EML6: variants seen among roughly 807,000 people sequenced by gnomAD.
The protein encoded by EML6 is EMAP like 6, also known as echinoderm microtubule-associated protein-like 6.
In EML6, 154 loss-of-function variants were observed where a neutral mutation model predicts 240.1. That is an observed-to-expected ratio of 0.64 (90% CI 0.56 to 0.73). The LOEUF (loss-of-function observed/expected upper bound fraction) is 0.73. Among genes scored for constraint, EML6 ranks in the 30% least tolerant of loss-of-function variants. The pLI is 0.00. For synonymous variants in EML6, 1,148 were observed against 899.0 expected (o/e 1.28, Z -4.95); for missense variants, 2,964 against 2,474.6 (o/e 1.20, Z -4.20).
intron 7 of EML6, among the ~76,000 whole-genome samples, chr2:54,834,002 C>A (rs761773106): frequency 6.6e-5 from 10 of 152,076 alleles, no homozygotes; most frequent in Non-Finnish European, 1.0e-4. Context: ...ATTACAAGTC[C>A]AAAATCCACA....
At chr2:54,843,700 G>T (rs567697296) in intron 7 of EML6, among the ~76,000 whole-genome samples, 1 of 151,986 alleles carries the variant, frequency 6.6e-6, no homozygotes, top group South Asian at 2.1e-4. Context: ...AAAATTAGCC[G>T]GGTGTGGTGG....
chr2:54,743,514 T>A (rs1683757123), intron 2 of EML6, among the ~76,000 whole-genome samples: 1 of 152,248 alleles, frequency 6.6e-6, no homozygotes. Flanking sequence ...TATAGTTACA[T>A]GGCTAGTAAC....
intron 7 of EML6, among the ~76,000 whole-genome samples, chr2:54,836,795 C>A (rs1208599240): frequency 1.3e-5 from 2 of 152,204 alleles, no homozygotes; most frequent in African/African-American, 4.8e-5. Context: ...CCCCACACTT[C>A]TGTTTTGCAC....
At chr2:54,850,950 G>T (rs2103750989) in intron 10 of EML6, among the ~76,000 whole-genome samples, 1 of 152,330 alleles carries the variant, frequency 6.6e-6, no homozygotes, top group South Asian at 2.1e-4. Context: ...GTTGTGGAAT[G>T]ATATATACAG....
chr2:54,725,190 C>T lies in EML6; in HGVS notation c.129C>T (p.Val43=). 3 of 1,524,538 alleles carry T rather than the reference C, an allele frequency of 2.0e-6. No individual in the cohort carries two copies. Among genetic ancestry groups the T allele is most frequent in the Non-Finnish European group, 1.8e-6 (2 of 1,133,644 alleles). 94.4% of individuals were successfully genotyped at this position (1,524,538 alleles called of 1,614,324 possible). ...AGGTGGTCTACTTTGTGGCTGGGGT[C>T]GGGGTGGTTTACAACACCCGCGAGC... ...GKEVVYFVAG[V]GVVYNTREHS... Residue 43 remains valine (V), a synonymous_variant, in exon 2 of 42, where the codon GTC becomes GTT. Transcript: ENST00000356458. This position sits in a 1 kb window ranked among gnomAD's most constrained non-coding sequence, Gnocchi z 4.3.
At chr2:54,765,000 G>T (rs950800177) in intron 2 of EML6, among the ~76,000 whole-genome samples, 1 of 152,118 alleles carries the variant, frequency 6.6e-6, no homozygotes, top group Non-Finnish European at 1.5e-5. Flanking sequence ...TTTGCTTTCA[G>T]TGTTTGTTTC....
At chr2:54,829,263 T>A in intron 6 of EML6, 79 bp from the exon 7 acceptor site, 1 of 1,379,774 alleles carries the variant, frequency 7.2e-7, no homozygotes, top group Non-Finnish European at 9.8e-7. Flanking sequence ...TGCTATGTTT[T>A]TAAATCAACA....
At chr2:54,904,008 C>G (rs140912755) in intron 24 of EML6, among the ~76,000 whole-genome samples, 1 of 152,216 alleles carries the variant, frequency 6.6e-6, no homozygotes, top group African/African-American at 2.4e-5. Flanking sequence ...TCCTCCAAGT[C>G]ATGCCCACAA....
intron 25 of EML6, among the ~76,000 whole-genome samples, chr2:54,914,205 G>A (rs1313882413): frequency 2.0e-5 from 3 of 152,102 alleles, no homozygotes; most frequent in Non-Finnish European, 4.4e-5. Flanking sequence ...AGCTTTACAT[G>A]ATAGTTGTCA....
intron 2 of EML6, among the ~76,000 whole-genome samples, chr2:54,800,624 T>C (rs1392773031): frequency 6.6e-6 from 1 of 152,144 alleles, no homozygotes; most frequent in Admixed American, 6.5e-5. Flanking sequence ...AAGAGGGCAT[T>C]GTCCCTTACC....
At chr2:54,761,265 T>C (rs187565255) in intron 2 of EML6, among the ~76,000 whole-genome samples, 2 of 152,246 alleles carry the variant, frequency 1.3e-5, no homozygotes, top group East Asian at 1.9e-4. Flanking sequence ...TGCAGTTTTG[T>C]GAACCAAAAA....
intron 2 of EML6, among the ~76,000 whole-genome samples, chr2:54,799,359 C>CCTTTATTA (rs1669992200): frequency 6.6e-6 from 1 of 151,882 alleles, no homozygotes; most frequent in South Asian, 2.1e-4. Context: ...CCACGCCCAG[C>CCTTTATTA]CTTTATTACT....
chr2:54,738,428 A>G (rs1425739295), intron 2 of EML6, among the ~76,000 whole-genome samples: 1 of 152,152 alleles, frequency 6.6e-6, no homozygotes. Context: ...CTTTTATTGC[A>G]GTGTAATACA....
At chr2:54,746,982 C>T (rs576626084) in intron 2 of EML6, 1 of 152,214 alleles carries the variant, frequency 6.6e-6, no homozygotes, top group East Asian at 1.9e-4. Flanking sequence ...AACTTACTTT[C>T]TCTGGCACTG....
At chr2:54,853,527 T>G in intron 10 of EML6, 116 bp from the exon 11 acceptor site, 3 of 715,030 alleles carry the variant, frequency 4.2e-6, no homozygotes, top group Non-Finnish European at 2.1e-6. Context: ...ATAAAGAGAT[T>G]AAAATATGTA....
intron 41 of EML6, 142 bp downstream of exon 41, chr2:54,968,910 C>T: frequency 1.7e-6 from 1 of 591,288 alleles, no homozygotes; most frequent in Non-Finnish European, 3.0e-6. Flanking sequence ...TCCATGAGTC[C>T]TCATGAAGGC....
chr2:54,821,320 C>G (rs1049994137), intron 5 of EML6, among the ~76,000 whole-genome samples: 1 of 152,044 alleles, frequency 6.6e-6, no homozygotes, highest in Non-Finnish European at 1.5e-5. Context: ...GGATAAAATA[C>G]TCAAATAAGT....
chr2:54,935,618 C>T (rs1303114528), intron 28 of EML6, among the ~76,000 whole-genome samples: 1 of 152,188 alleles, frequency 6.6e-6, no homozygotes, highest in Non-Finnish European at 1.5e-5. Context: ...CGTGCCACAA[C>T]AATCAACTTT....
In EML6 at chr2:54,960,431, C is replaced by G; in HGVS notation, c.4968+97C>G. On this transcript the variant is annotated intron_variant, in intron 35 of 41. Transcript: ENST00000356458. The stretch of plus-strand genomic sequence containing the variant: ...TTTCTCTGGGCTGGTTTGTTTACTC[C>G]TTGAAACAAGGCCTCAATACATGAA... The G allele has an allele frequency of 3.4e-6, 3 of 873,194 alleles. 1 individual carries two copies. The South Asian group carries it at 4.4e-5, about 13-fold the overall frequency. The allele number at this position is 873,194 out of a possible 1,614,324, so 54.1% of individuals were successfully genotyped here. A position where few individuals can be genotyped will look rare whatever the true frequency, so the allele number is the denominator to read the frequency against.
Sources: allele counts gnomAD v4.1 joint callset (sites outside exome capture counted in the v4.1 genomes callset), GRCh38; gene constraint gnomAD v4.1.1; non-coding constraint Gnocchi (gnomAD v3.1); transcripts MANE v1.5; gene names NCBI Gene and HGNC (gene_info 2026-07-23, HGNC 2026-07-21).